ADGRF5: variants seen among roughly 807,000 people sequenced by gnomAD.
ADGRF5 encodes G-protein coupled receptor 116.
In ADGRF5, 75 loss-of-function variants were observed where a neutral mutation model predicts 132.3. The ratio of observed to expected loss-of-function variants is 0.57; its 90% CI spans 0.47 to 0.69. The LOEUF (loss-of-function observed/expected upper bound fraction) is 0.69. Among genes scored for constraint, ADGRF5 ranks in the 30% least tolerant of loss-of-function variants. ADGRF5 has a pLI of 0.00. For missense variants in ADGRF5, 1,516 were observed against 1,630.6 expected, an observed-to-expected ratio of 0.93 and a Z score of 1.21; for synonymous variants, 629 against 597.6, an observed-to-expected ratio of 1.05 and a Z score of -0.77.
At chr6:46,912,750 G>T (rs953723759) in intron 1 of ADGRF5, among the ~76,000 whole-genome samples, 3 of 152,136 alleles carry the variant, frequency 2.0e-5, no homozygotes, top group African/African-American at 7.2e-5. Context: ...AAGCAGATAA[G>T]CTATAAGTCT....
At position 46,854,004 on chromosome 6, in the gene ADGRF5, C is replaced by T. The variant is rs768357396; in HGVS notation, c.4029G>A (p.Ser1343=). 1.1e-5 allele frequency: 18 copies of T among 1,603,258 alleles called. No individual in the cohort carries two copies. Among genetic ancestry groups the T allele is most frequent in the Admixed American group, 5.1e-5 (3 of 59,216 alleles). ...GATTATCCTGTTCTTAGTTGAGCAACGAAGAAGCACTGGATGAGTTTTCCA... is the reference window on the plus strand; with the variant it reads ...GATTATCCTGTTCTTAGTTGAGCAATGAAGAAGCACTGGATGAGTTTTCCA... The part of the protein sequence containing the change: ...SSLENSSSAS[S]LLN Residue 1343 remains serine, a synonymous_variant, in exon 21 of 21, where the codon TCG becomes TCA. Transcript: ENST00000283296.
At position 46,859,182 on chromosome 6, in the gene ADGRF5, G is replaced by A. The variant is rs1435588257; in HGVS notation, c.2721C>T (p.Ala907=). Reference sequence around the variant, plus strand: ...TTTCCTGGATATCCTGGGCAAGGATGGCTTGGAGAGTTGGGAAAGCCATGG... The same window carrying A: ...TTTCCTGGATATCCTGGGCAAGGATAGCTTGGAGAGTTGGGAAAGCCATGG... ...IVTMAFPTLQ[A]ILAQDIQENN... Residue 907 remains alanine, a synonymous_variant, in exon 17 of 21, where the codon GCC becomes GCT. Coordinates refer to ENST00000283296, the MANE Select transcript of ADGRF5 (RefSeq NM_001098518.2). 2 of 1,613,748 alleles carry A rather than the reference G, an allele frequency of 1.2e-6. No homozygotes were observed. The highest frequency in any genetic ancestry group is 4.5e-5 in the East Asian group (2 of 44,898).
At chr6:46,888,121 T>G (rs1410643038) in intron 4 of ADGRF5, 6 of 483,176 alleles carry the variant, frequency 1.2e-5, no homozygotes, top group Non-Finnish European at 1.9e-5. Flanking sequence ...AAGCAAACCT[T>G]TGGTCACCAT....
chr6:46,905,332 A>T (rs1775226077), intron 2 of ADGRF5: 1 of 152,168 alleles, frequency 6.6e-6, no homozygotes, highest in African/African-American at 2.4e-5. Flanking sequence ...CACCATATAT[A>T]TTCCCCAAGT....
chr6:46,917,682 C>T lies in ADGRF5; in HGVS notation c.-25+4031G>A, dbSNP rs906627876. The stretch of plus-strand genomic sequence containing the variant: ...CCTCCCCTAACCCTCACCCGCCCCC[C>T]ACAGGCCCCTGTGTGTGATGCTCCC... On this transcript the variant is annotated intron_variant, in intron 1 of 20. Transcript: ENST00000283296. 2.6e-5 allele frequency among the ~76,000 whole-genome samples: 4 copies of T among 152,166 alleles called. No homozygotes were observed. In the East Asian group the frequency reaches 7.7e-4, roughly 29 times the overall value.
chr6:46,864,620 G>A (rs1382262896), intron 14 of ADGRF5, among the ~76,000 whole-genome samples: 1 of 151,834 alleles, frequency 6.6e-6, no homozygotes, highest in Non-Finnish European at 1.5e-5. Flanking sequence ...CGCCTCCTGG[G>A]TTCAAGCGAT....
intron 16 of ADGRF5, among the ~76,000 whole-genome samples, chr6:46,860,271 C>T (rs186252111): frequency 1.1e-4 from 17 of 152,184 alleles, no homozygotes; most frequent in African/African-American, 4.1e-4. Flanking sequence ...CTGTCTTTAC[C>T]TCTGTAGGTA....
intron 3 of ADGRF5, among the ~76,000 whole-genome samples, chr6:46,892,680 G>A (rs542488335): frequency 2.6e-5 from 4 of 152,232 alleles, no homozygotes; most frequent in South Asian, 2.1e-4. Flanking sequence ...AACCCTGGAG[G>A]TGGAGGTTGC....
Position 46,894,683 on chromosome 6 carries a change from T to C in ADGRF5, c.157+5346A>G, listed in dbSNP as rs192117543. 2.4e-3 allele frequency among the ~76,000 whole-genome samples: 372 copies of C among 152,330 alleles called. 1 individual carries two copies. The highest frequency in any genetic ancestry group is 4.7e-3 in the Non-Finnish European group (318 of 68,026). On this transcript the variant is annotated intron_variant, in intron 3 of 20. Coordinates refer to ENST00000283296, the MANE Select transcript of ADGRF5 (RefSeq NM_001098518.2). Reference sequence around the variant, plus strand: ...AATGTCTTCTGACCTGGGCAGGTCATTTAACTCTGTGAGCCATACTTTGCT... The same window carrying C: ...AATGTCTTCTGACCTGGGCAGGTCACTTAACTCTGTGAGCCATACTTTGCT...
At chr6:46,903,459 A>C (rs1046798817) in intron 2 of ADGRF5, 4 of 152,106 alleles carry the variant, frequency 2.6e-5, no homozygotes, top group Admixed American at 2.0e-4. Flanking sequence ...TTCACAAATA[A>C]TTGTAGTGGT....
chr6:46,894,205 C>T (rs535590627), intron 3 of ADGRF5, among the ~76,000 whole-genome samples: 4 of 152,332 alleles, frequency 2.6e-5, no homozygotes, highest in African/African-American at 9.6e-5. Flanking sequence ...TACCATTTGG[C>T]TTGTTTCTTG....
At chr6:46,908,409 A>T in intron 1 of ADGRF5, among the ~76,000 whole-genome samples, 1 of 152,248 alleles carries the variant, frequency 6.6e-6, no homozygotes. Context: ...CCCCAACCTC[A>T]GTTGGTTCCC....
chr6:46,905,125 A>C (rs1001400188), intron 2 of ADGRF5: 1 of 152,300 alleles, frequency 6.6e-6, no homozygotes. Flanking sequence ...GCTGGAACAG[A>C]GGCAAAGCTA....
At chr6:46,875,705 G>A (rs1771580927) in intron 10 of ADGRF5, among the ~76,000 whole-genome samples, 1 of 152,028 alleles carries the variant, frequency 6.6e-6, no homozygotes, top group African/African-American at 2.4e-5. Flanking sequence ...TGAACCCCAG[G>A]AGCGGAGGTT....
rs1769395216 is a variant in ADGRF5, at chr6:46,859,005, C to T, written c.2898G>A (p.Gly966=). Residue 966 remains glycine, a synonymous_variant, in exon 17 of 21, where the codon GGG becomes GGA. Transcript: ENST00000283296. ...CATAGCACCCACTGCTGTCCCACCCCCCTGTGTTGTTGGCAAGCCTGAAGT... is the reference window on the plus strand; with the variant it reads ...CATAGCACCCACTGCTGTCCCACCCTCCTGTGTTGTTGGCAAGCCTGAAGT... ...FWNFRLANNT[G]GWDSSGCYVE... is the part of the protein sequence containing the mutation. 4 of 1,614,068 alleles carry T rather than the reference C, an allele frequency of 2.5e-6. No homozygotes were observed. In the South Asian group the frequency reaches 4.4e-5, roughly 18 times the overall value.
At chr6:46,889,596 T>A (rs1301503559) in intron 3 of ADGRF5, among the ~76,000 whole-genome samples, 21 of 130,932 alleles carry the variant, frequency 1.6e-4, no homozygotes. Flanking sequence ...ATATATATAG[T>A]CTGGCCTGCC....
At chr6:46,877,014 A>G (rs1051371621) in intron 10 of ADGRF5, among the ~76,000 whole-genome samples, 2 of 152,254 alleles carry the variant, frequency 1.3e-5, no homozygotes, top group African/African-American at 2.4e-5. Flanking sequence ...TACTTTAAAG[A>G]CTTTTTCTTT....
intron 1 of ADGRF5, among the ~76,000 whole-genome samples, chr6:46,931,663 T>C (rs1321596699): frequency 6.6e-6 from 1 of 152,242 alleles, no homozygotes; most frequent in Non-Finnish European, 1.5e-5. Flanking sequence ...CTGTGCTTTC[T>C]CCCAGGGTGA....
At chr6:46,889,432 T>C (rs1773406799) in intron 3 of ADGRF5, among the ~76,000 whole-genome samples, 2 of 147,458 alleles carry the variant, frequency 1.4e-5, no homozygotes, top group South Asian at 4.2e-4. Context: ...ATAAAGACTA[T>C]AGTCTTTATA....
Sources: allele counts gnomAD v4.1 joint callset (sites outside exome capture counted in the v4.1 genomes callset), GRCh38; gene constraint gnomAD v4.1.1; transcripts MANE v1.5; gene names NCBI Gene and HGNC (gene_info 2026-07-23, HGNC 2026-07-21).